DENND4C: variants seen among roughly 807,000 people sequenced by gnomAD.
The protein encoded by DENND4C is DENN domain-containing protein 4C.
Under a neutral mutation model 203.0 loss-of-function variants are expected in DENND4C, and 108 were observed. That is an observed-to-expected ratio of 0.53 (90% CI 0.46 to 0.62). The LOEUF (loss-of-function observed/expected upper bound fraction) is 0.62. DENND4C is among the 20% of genes least tolerant of loss of function. The probability of loss-of-function intolerance (pLI) is 0.00; values close to 1 mark genes in which losing one functional copy is unlikely to be tolerated. For synonymous variants in DENND4C, 871 were observed against 792.4 expected (o/e 1.10, Z -1.67); for missense variants, 2,481 against 2,301.2 (o/e 1.08, Z -1.60).
At position 19,260,705 on chromosome 9, in the gene DENND4C, G is replaced by T. The variant is rs115475569; in HGVS notation, c.-17-15453G>T. On this transcript the variant is annotated intron_variant, in intron 1 of 32. Coordinates refer to ENST00000434457, the MANE Select transcript of DENND4C (RefSeq NM_001330640.2). ...AGCAACCATGCTCGGCCTATGTTCT[G>T]GTTATTAATACCTTATCAAATGGAT... Among the ~76,000 whole-genome samples, 20 of 152,198 alleles carry T rather than the reference G, an allele frequency of 1.3e-4. No individual in the cohort carries two copies. The South Asian group carries it at 4.1e-3, about 32-fold the overall frequency.
At chr9:19,289,808 G>A (rs1446622805) in intron 4 of DENND4C, among the ~76,000 whole-genome samples, 2 of 125,262 alleles carry the variant, frequency 1.6e-5, no homozygotes, top group African/African-American at 6.0e-5. Context: ...CAGCCTGGGT[G>A]ACAAAGCAAG....
intron 12 of DENND4C, among the ~76,000 whole-genome samples, chr9:19,319,451 T>TATATATATACACACATATATATATACAG (rs1399860966): frequency 1.4e-5 from 2 of 145,384 alleles, no homozygotes; most frequent in African/African-American, 5.0e-5. Flanking sequence ...TATATATACA[T>TATATATATACACACATATATATATACAG]ATATATATAT....
At chr9:19,259,180 A>G (rs910700809) in intron 1 of DENND4C, among the ~76,000 whole-genome samples, 1 of 152,146 alleles carries the variant, frequency 6.6e-6, no homozygotes, top group Non-Finnish European at 1.5e-5. Flanking sequence ...GCTATCAAAT[A>G]CTAGATCTTA....
Position 19,276,268 on chromosome 9 carries a change from T to A in DENND4C, c.94T>A (p.Leu32Ile). ...STLLDQEINR[L>I]DTKSTGPKAP... ...TCTTTTGGATCAAGAAATAAATCGT[T>A]TAGATACTAAGTCAACTGGACCTAA... Residue 32 changes from leucine to isoleucine, a missense_variant, in exon 2 of 33, where the codon TTA (leucine) becomes ATA (isoleucine). By Grantham distance (5) the Leu-to-Ile change is conservative (BLOSUM62 2). Around this residue, in one of 3 missense-constraint regions of DENND4C, gnomAD observed 187 missense variants for 167.4 expected, o/e 1.12. Transcript: ENST00000434457. 1 of 1,232,098 alleles carries A rather than the reference T, an allele frequency of 8.1e-7. No individual in the cohort carries two copies. 76.3% of individuals were successfully genotyped at this position (1,232,098 alleles called of 1,614,324 possible).
intron 1 of DENND4C, among the ~76,000 whole-genome samples, chr9:19,233,657 T>C (rs1474415321): frequency 1.0e-5 from 1 of 96,354 alleles, no homozygotes; most frequent in African/African-American, 3.7e-5. Flanking sequence ...GCCTCCCAGA[T>C]TGAAGCGATT....
At chr9:19,286,732 A>G (rs912563301) in intron 2 of DENND4C, 37 bp from the exon 3 acceptor site, 15 of 1,224,264 alleles carry the variant, frequency 1.2e-5, no homozygotes, top group Non-Finnish European at 1.4e-5. Flanking sequence ...GTGTATGTAT[A>G]TATCTATATC....
intron 1 of DENND4C, among the ~76,000 whole-genome samples, chr9:19,237,439 C>T (rs973656578): frequency 1.3e-5 from 2 of 152,140 alleles, no homozygotes; most frequent in Admixed American, 6.5e-5. Context: ...GCAACCTCCG[C>T]ATCCCGAGTT....
intron 10 of DENND4C, among the ~76,000 whole-genome samples, chr9:19,310,826 G>C (rs1840596101): frequency 6.6e-6 from 1 of 152,044 alleles, no homozygotes; most frequent in Non-Finnish European, 1.5e-5. Flanking sequence ...CAGCTGTTGA[G>C]ATGAGCATTT....
intron 1 of DENND4C, among the ~76,000 whole-genome samples, chr9:19,273,404 A>G (rs948869430): frequency 6.6e-6 from 1 of 152,020 alleles, no homozygotes; most frequent in African/African-American, 2.4e-5. Flanking sequence ...TTCTTACGAC[A>G]TCGCAAGCAT....
At chr9:19,315,766 C>T (rs905971183) in intron 10 of DENND4C, among the ~76,000 whole-genome samples, 8 of 150,882 alleles carry the variant, frequency 5.3e-5, no homozygotes, top group East Asian at 2.0e-4. Flanking sequence ...AGTGCAGTAG[C>T]GCAATCTCGG....
rs1841872215 is a variant in DENND4C at position 19,316,485 on chromosome 9, C to A, written c.1556C>A (p.Thr519Asn). 1 of 1,613,540 alleles carries A rather than the reference C, an allele frequency of 6.2e-7. No individual in the cohort carries two copies. Among genetic ancestry groups the A allele is most frequent in the Non-Finnish European group, 8.5e-7 (1 of 1,179,920 alleles). The stretch of plus-strand genomic sequence containing the variant: ...AAGCCGTGCAAAAATCTACTTAGCA[C>A]CTTAAAGAAATTGTATCCCCAGCTG... ...PKKPCKNLLS[T>N]LKKLYPQLSS... Residue 519 changes from threonine to asparagine, a missense_variant, in exon 11 of 33, where the codon ACC becomes AAC. Physicochemically the swap from Thr to Asn is moderately conservative, Grantham distance 65 (BLOSUM62 0). This residue lies in a region of DENND4C where 2,289 missense variants were observed against 2,113.3 expected (regional missense o/e 1.08). Transcript: ENST00000434457.
chr9:19,329,866 A>G (rs892421237), intron 16 of DENND4C, among the ~76,000 whole-genome samples: 4 of 152,244 alleles, frequency 2.6e-5, no homozygotes, highest in African/African-American at 9.6e-5. Context: ...TTGCTTTACT[A>G]CTATATGTGA....
chr9:19,237,675 A>G (rs1822365506), intron 1 of DENND4C, among the ~76,000 whole-genome samples: 1 of 152,162 alleles, frequency 6.6e-6, no homozygotes, highest in African/African-American at 2.4e-5. Context: ...TTTATACACA[A>G]TCATTTCTGC....
intron 16 of DENND4C, among the ~76,000 whole-genome samples, chr9:19,329,442 A>G (rs1818590070): frequency 1.3e-5 from 2 of 152,178 alleles, no homozygotes; most frequent in South Asian, 4.2e-4. Context: ...ACCATATTTT[A>G]TTTGTCTATT....
At chr9:19,244,462 C>G (rs545049676) in intron 1 of DENND4C, among the ~76,000 whole-genome samples, 1 of 151,766 alleles carries the variant, frequency 6.6e-6, no homozygotes, top group Non-Finnish European at 1.5e-5. Flanking sequence ...TTGCCTTGGC[C>G]GGGCGTGGTG....
At chr9:19,263,639 GC>G (rs777007585) in intron 1 of DENND4C, among the ~76,000 whole-genome samples, 24 of 145,888 alleles carry the variant, frequency 1.6e-4, no homozygotes, top group Non-Finnish European at 2.8e-4. Flanking sequence ...GGAGATAGTG[GC>G]CTGTAATTTT....
chr9:19,317,815 GA>G (rs982043243), intron 12 of DENND4C, among the ~76,000 whole-genome samples: 6 of 151,674 alleles, frequency 4.0e-5, no homozygotes, highest in Non-Finnish European at 7.4e-5. Flanking sequence ...TAAGAGTTCA[GA>G]AAAAAAAGGG....
rs1829195240 is a variant in DENND4C at position 19,373,612 on chromosome 9, G to C, written c.*1439G>C. 6.6e-6 allele frequency: 1 copy of C among 152,524 alleles called. No individual in the cohort carries two copies. Among genetic ancestry groups the C allele is most frequent in the South Asian group, 2.1e-4 (1 of 4,812 alleles). The allele number at this position is 152,524 out of a possible 1,614,324, so 9.4% of individuals were successfully genotyped here. On this transcript the variant is annotated 3_prime_UTR_variant, in exon 33 of 33. Coordinates refer to ENST00000434457, the MANE Select transcript of DENND4C (RefSeq NM_001330640.2). ...AAATTTATTAAGCTTGTTGCCAGTA[G>C]GTTTAAGAAAATCATGATCTCACAT...
intron 1 of DENND4C, among the ~76,000 whole-genome samples, chr9:19,263,747 C>A (rs56167168): frequency 7.3e-5 from 11 of 150,568 alleles, no homozygotes; most frequent in African/African-American, 2.5e-4. Flanking sequence ...CTCTGCCTTC[C>A]GGGTTCAAGC....
Sources: allele counts gnomAD v4.1 joint callset (sites outside exome capture counted in the v4.1 genomes callset), GRCh38; gene constraint gnomAD v4.1.1; regional missense constraint gnomAD v4.1.1; transcripts MANE v1.5; gene names NCBI Gene and HGNC (gene_info 2026-07-23, HGNC 2026-07-21).